POU2AF1: variants seen among roughly 807,000 people sequenced by gnomAD.
POU2AF1 encodes the protein POU domain class 2-associating factor 1.
Under a neutral mutation model 26.3 loss-of-function variants are expected in POU2AF1, and 12 were observed. The observed-to-expected ratio is 0.46, with a 90% CI of 0.29 to 0.74. The LOEUF (loss-of-function observed/expected upper bound fraction) is 0.74. POU2AF1 is among the 30% of genes least tolerant of loss of function. The pLI is 0.09. For synonymous variants in POU2AF1, 175 were observed against 148.0 expected, an observed-to-expected ratio of 1.18 and a Z score of -1.32; for missense variants, 297 against 334.5, an observed-to-expected ratio of 0.89 and a Z score of 0.87.
intron 1 of POU2AF1, among the ~76,000 whole-genome samples, chr11:111,377,555 CACTT>C (rs1170210223): frequency 2.0e-5 from 3 of 152,282 alleles, no homozygotes; most frequent in African/African-American, 7.2e-5. Flanking sequence ...GGTGGCACCT[CACTT>C]ACTAAGGATA....
intron 2 of POU2AF1, among the ~76,000 whole-genome samples, chr11:111,358,304 A>ATGTGTGT (rs1428040456): frequency 7.0e-6 from 1 of 142,290 alleles, no homozygotes; most frequent in East Asian, 2.0e-4. Flanking sequence ...ACAAACACAC[A>ATGTGTGT]CACTCTCTCA....
At position 111,357,506 on chromosome 11, in the gene POU2AF1, G is replaced by C. The variant is rs1257766382; in HGVS notation, c.395C>G (p.Thr132Arg). Residue 132 changes from threonine (T) to arginine (R), a missense_variant, in exon 4 of 5, where the codon ACG (threonine) becomes AGG (arginine). Transcript: ENST00000393067. ...CAACACTGAGGAGGGCCCCACCACC[G>C]TGTAGCTGGGGCACACGGGCTGCAC... The part of the protein sequence containing the change: ...MYVQPVCPSY[T>R]VVGPSSVLTY... 6.2e-7 allele frequency: 1 copy of C among 1,614,116 alleles called. No homozygotes were observed. The highest frequency in any genetic ancestry group is 8.5e-7 in the Non-Finnish European group (1 of 1,179,966).
At chr11:111,370,380 C>A (rs1185597913) in intron 1 of POU2AF1, among the ~76,000 whole-genome samples, 1 of 152,218 alleles carries the variant, frequency 6.6e-6, no homozygotes, top group Non-Finnish European at 1.5e-5. Flanking sequence ...GTCTTCACAG[C>A]TTCAGAGCTT....
Position 111,357,851 on chromosome 11 carries a change from GAGA to G in POU2AF1, c.148-17_148-15del, listed in dbSNP as rs1344361618. 3 of 1,601,404 alleles carry G rather than the reference GAGA, an allele frequency of 1.9e-6. No homozygotes were observed. The highest frequency in any genetic ancestry group is 1.7e-6 in the Non-Finnish European group (2 of 1,175,300). On this transcript the variant is annotated splice_polypyrimidine_tract_variant and intron_variant, in intron 2 of 4. Coordinates refer to ENST00000393067, the MANE Select transcript of POU2AF1 (RefSeq NM_006235.3). ...GGGCAGCACCACCTAGAGGGGAGAG[GAGA>G]AGACCAGGGTCAATGTTTAGCCCTC...
intron 1 of POU2AF1, 59 bp from the exon 2 acceptor site, chr11:111,358,977 A>G: frequency 6.5e-7 from 1 of 1,549,878 alleles, no homozygotes; most frequent in Non-Finnish European, 8.7e-7. Context: ...CCCACCCCAA[A>G]GTGCTCATTT....
rs779169258 is a variant in POU2AF1, at chr11:111,352,299, A to T, written c.*1962T>A. 2.8e-5 allele frequency: 5 copies of T among 180,354 alleles called. No individual in the cohort carries two copies. Among genetic ancestry groups the T allele is most frequent in the Non-Finnish European group, 4.7e-5 (4 of 84,330 alleles). 11.2% of individuals were successfully genotyped at this position (180,354 alleles called of 1,614,324 possible). A position where few individuals can be genotyped will look rare whatever the true frequency, so the allele number is the denominator to read the frequency against. On this transcript the variant is annotated 3_prime_UTR_variant, in exon 5 of 5. Coordinates refer to ENST00000393067, the MANE Select transcript of POU2AF1 (RefSeq NM_006235.3). The stretch of plus-strand genomic sequence containing the variant: ...TAAAGTGGGCAAAGAAAATATGTCA[A>T]AGAAACTGTCATTTCCCAGAAAAGT...
At position 111,379,149 on chromosome 11, in the gene POU2AF1, C is replaced by G; in HGVS notation, c.16+13G>C. 1 of 1,614,100 alleles carries G rather than the reference C, an allele frequency of 6.2e-7. No individual in the cohort carries two copies. Among genetic ancestry groups the G allele is most frequent in the Non-Finnish European group, 8.5e-7 (1 of 1,179,986 alleles). On this transcript the variant is annotated intron_variant, in intron 1 of 4. Transcript: ENST00000393067. ...ACTCGCTTGGGTCTGACAGCCACAG[C>G]CAAACCACTTACGTTTTTGCCAGAG...
chr11:111,352,536 C>T lies in POU2AF1; in HGVS notation c.*1725G>A, dbSNP rs1294302259. 2 of 181,976 alleles carry T rather than the reference C, an allele frequency of 1.1e-5. No individual in the cohort carries two copies. The highest frequency in any genetic ancestry group is 1.8e-4 in the East Asian group (2 of 11,180). 11.3% of individuals were successfully genotyped at this position (181,976 alleles called of 1,614,324 possible). A position where few individuals can be genotyped will look rare whatever the true frequency, so the allele number is the denominator to read the frequency against. On this transcript the variant is annotated 3_prime_UTR_variant, in exon 5 of 5. Coordinates refer to ENST00000393067, the MANE Select transcript of POU2AF1 (RefSeq NM_006235.3). ...ATTAAAATTAAACCTAATGGTACTTCTGGCTGAGGCTCCAGAGGTCCCCAG... is the reference window on the plus strand; with the variant it reads ...ATTAAAATTAAACCTAATGGTACTTTTGGCTGAGGCTCCAGAGGTCCCCAG...
At chr11:111,373,393 T>C (rs1213925315) in intron 1 of POU2AF1, among the ~76,000 whole-genome samples, 1 of 152,194 alleles carries the variant, frequency 6.6e-6, no homozygotes, top group East Asian at 1.9e-4. Context: ...GACAATTTAA[T>C]CAGAAGCTCT....
chr11:111,372,669 G>A (rs1474876362), intron 1 of POU2AF1, among the ~76,000 whole-genome samples: 1 of 152,176 alleles, frequency 6.6e-6, no homozygotes, highest in Non-Finnish European at 1.5e-5. Context: ...GATTAAATGA[G>A]ATAATGCACT....
intron 1 of POU2AF1, chr11:111,363,907 C>T (rs1398055563): frequency 2.0e-6 from 2 of 985,260 alleles, no homozygotes; most frequent in Non-Finnish European, 2.4e-6. Context: ...GAAAATCTTT[C>T]CACCTTAGCA....
chr11:111,358,348 A>ACACT (rs1231264223), intron 2 of POU2AF1, among the ~76,000 whole-genome samples: 102 of 52,686 alleles, frequency 1.9e-3, no homozygotes, highest in African/African-American at 4.0e-3. Context: ...TCACACTCTC[A>ACACT]CACTCACACT....
chr11:111,354,394 G>T lies in POU2AF1; in HGVS notation c.638C>A (p.Pro213Gln), dbSNP rs768674681. Reference sequence around the variant, plus strand: ...TTCCATGTCCTGAAGGACTGGCTCTGGGATAGAGATGGGGAGCTGGACAAA... The same window carrying T: ...TTCCATGTCCTGAAGGACTGGCTCTTGGATAGAGATGGGGAGCTGGACAAA... ...PQFVQLPISI[P>Q]EPVLQDMEDP... Residue 213 changes from proline (P) to glutamine (Q), a missense_variant, in exon 5 of 5, where the codon CCA becomes CAA. Physicochemically the swap from Pro to Gln is moderately conservative, Grantham distance 76. Coordinates refer to ENST00000393067, the MANE Select transcript of POU2AF1 (RefSeq NM_006235.3). 1 of 1,614,202 alleles carries T rather than the reference G, an allele frequency of 6.2e-7. No homozygotes were observed. Among genetic ancestry groups the T allele is most frequent in the South Asian group, 1.1e-5 (1 of 91,076 alleles).
chr11:111,358,430 T>A (rs1299513601), intron 2 of POU2AF1, among the ~76,000 whole-genome samples: 1,479 of 56,646 alleles, frequency 0.026, 35 homozygotes, highest in African/African-American at 0.083. Context: ...GCTCACACTC[T>A]CACACTCACT....
intron 1 of POU2AF1, among the ~76,000 whole-genome samples, chr11:111,360,523 G>C (rs938883568): frequency 1.3e-5 from 2 of 152,182 alleles, no homozygotes; most frequent in Admixed American, 1.3e-4. Context: ...CAGATGTTGG[G>C]GGTCAGGAAT....
At chr11:111,376,020 CTG>C (rs1565368724) in intron 1 of POU2AF1, among the ~76,000 whole-genome samples, 2 of 152,168 alleles carry the variant, frequency 1.3e-5, no homozygotes, top group African/African-American at 4.8e-5. Context: ...AATATTTAGA[CTG>C]TGGCTTTTTA....
chr11:111,367,703 C>T (rs1156538989), intron 1 of POU2AF1, among the ~76,000 whole-genome samples: 2 of 152,296 alleles, frequency 1.3e-5, no homozygotes, highest in South Asian at 2.1e-4. Flanking sequence ...ATCCAGTCTC[C>T]CTCAATTGCC....
chr11:111,369,288 T>C (rs930843591), intron 1 of POU2AF1, among the ~76,000 whole-genome samples: 1 of 152,210 alleles, frequency 6.6e-6, no homozygotes, highest in Admixed American at 6.5e-5. Flanking sequence ...CACCAGAGGA[T>C]TAGGTTTGCA....
intron 1 of POU2AF1, chr11:111,363,761 A>C: frequency 1.3e-5 from 12 of 935,096 alleles, no homozygotes; most frequent in Non-Finnish European, 1.5e-5. Context: ...AGAGTTCTCC[A>C]GAGATTTTAA....
Sources: gnomAD v4.1 joint callset for allele counts (sites outside exome capture counted in the v4.1 genomes callset) on GRCh38, gnomAD v4.1.1 for gene constraint, MANE v1.5 for transcripts, NCBI Gene and HGNC (gene_info 2026-07-23, HGNC 2026-07-21) for gene names.